The following ACVR1C variants were observed in gnomAD, a reference collection of about 807,000 sequenced individuals.
ACVR1C encodes the protein activin A receptor type 1C.
In ACVR1C, 23 loss-of-function variants were observed where a neutral mutation model predicts 57.9. That is an observed-to-expected ratio of 0.40 (90% CI 0.29 to 0.56). The LOEUF is 0.56. Ranked by LOEUF, ACVR1C falls within the 20% of genes least tolerant of loss-of-function variation. ACVR1C has a pLI of 0.50. For synonymous variants in ACVR1C, 214 were observed against 215.3 expected (o/e 0.99, Z 0.05); for missense variants, 480 against 607.9 (o/e 0.79, Z 2.21).
At chr2:157,628,352 G>C (rs1282316820) in intron 1 of ACVR1C, among the ~76,000 whole-genome samples, 1 of 151,988 alleles carries the variant, frequency 6.6e-6, no homozygotes, top group East Asian at 1.9e-4. Context: ...TCTTCCGGGC[G>C]GCTTCGTCCC....
rs1187846687 is a variant in ACVR1C, at chr2:157,550,255, C to G, written c.682G>C (p.Asp228His). The change falls in exon 4 of 9, where the codon GAT (aspartate) becomes CAT (histidine). Residue 228 changes from aspartate (D) to histidine (H), a missense_variant. Coordinates refer to ENST00000243349, the MANE Select transcript of ACVR1C (RefSeq NM_145259.3). ...DVAVKIFSSRDERSWFREAEI... is the reference protein window; with the variant it reads ...DVAVKIFSSRHERSWFREAEI... The stretch of plus-strand genomic sequence containing the variant: ...GCCTCACGAAACCAAGATCTTTCAT[C>G]TCTGGAGGAGAATATTTTCACAGCC... 1.2e-6 allele frequency: 2 copies of G among 1,614,028 alleles called. No individual in the cohort carries two copies. The highest frequency in any genetic ancestry group is 2.7e-5 in the African/African-American group (2 of 74,904).
intron 2 of ACVR1C, among the ~76,000 whole-genome samples, chr2:157,564,405 G>C (rs1039629161): frequency 6.6e-6 from 1 of 152,194 alleles, no homozygotes; most frequent in African/African-American, 2.4e-5. Flanking sequence ...AAACCACAAT[G>C]AGATACCATC....
At chr2:157,605,284 T>C (rs1270565942) in intron 1 of ACVR1C, among the ~76,000 whole-genome samples, 1 of 151,766 alleles carries the variant, frequency 6.6e-6, no homozygotes, top group Non-Finnish European at 1.5e-5. Context: ...GTCTTAATTA[T>C]TGTAGATTTA....
intron 2 of ACVR1C, among the ~76,000 whole-genome samples, chr2:157,560,203 C>T (rs1688202589): frequency 6.6e-6 from 1 of 152,068 alleles, no homozygotes; most frequent in Non-Finnish European, 1.5e-5. Flanking sequence ...TTAAGGAGAG[C>T]CTCAAGATGA....
intron 1 of ACVR1C, among the ~76,000 whole-genome samples, chr2:157,594,546 G>A (rs1408414245): frequency 1.3e-5 from 2 of 152,064 alleles, no homozygotes; most frequent in African/African-American, 2.4e-5. Context: ...ATTAAAAATT[G>A]TTTATCCTGT....
At chr2:157,555,101 C>CTTGTTTTTTT (rs1688065222) in intron 3 of ACVR1C, among the ~76,000 whole-genome samples, 1 of 83,926 alleles carries the variant, frequency 1.2e-5, no homozygotes, top group African/African-American at 5.9e-5. Flanking sequence ...ACTTTGAACG[C>CTTGTTTTTTT]TTTTTTTTTT....
Position 157,532,864 on chromosome 2 carries a change from A to T in ACVR1C, c.*1054T>A, listed in dbSNP as rs1376737877. On this transcript the variant is annotated 3_prime_UTR_variant, in exon 9 of 9. Coordinates refer to ENST00000243349, the MANE Select transcript of ACVR1C (RefSeq NM_145259.3). ...TTCTGTCTTTTCTTTCTAAGTGTGTATGTACAAAGGAAATAGGGACCTCTG... is the reference window on the plus strand; with the variant it reads ...TTCTGTCTTTTCTTTCTAAGTGTGTTTGTACAAAGGAAATAGGGACCTCTG... The T allele has an allele frequency of 6.6e-6, 1 of 152,090 alleles. No homozygotes were observed. The highest frequency in any genetic ancestry group is 1.5e-5 in the Non-Finnish European group (1 of 68,004). 9.4% of individuals were successfully genotyped at this position (152,090 alleles called of 1,614,324 possible).
chr2:157,593,048 T>C (rs1352338566), intron 1 of ACVR1C, among the ~76,000 whole-genome samples: 1 of 152,102 alleles, frequency 6.6e-6, no homozygotes, highest in Non-Finnish European at 1.5e-5. Flanking sequence ...AATTATCCCC[T>C]TTTATCCACT....
chr2:157,557,687 T>C (rs954675190), intron 2 of ACVR1C, among the ~76,000 whole-genome samples: 1 of 152,156 alleles, frequency 6.6e-6, no homozygotes, highest in Non-Finnish European at 1.5e-5. Context: ...CTAGTGGTAT[T>C]CCTATAAGAG....
chr2:157,546,959 C>G (rs1237873583), intron 4 of ACVR1C, among the ~76,000 whole-genome samples: 2 of 146,974 alleles, frequency 1.4e-5, no homozygotes, highest in South Asian at 4.5e-4. Flanking sequence ...CGATGCTATC[C>G]CTCTCCCCTC....
chr2:157,597,585 T>G (rs1682164662), intron 1 of ACVR1C: 1 of 985,246 alleles, frequency 1.0e-6, no homozygotes, highest in South Asian at 4.7e-5. Context: ...CTCCGACGGC[T>G]TCCCGGCGCA....
rs1255006973 is a variant in ACVR1C at position 157,528,294 on chromosome 2, G to A, written c.*5624C>T. ...TAAGGGTAATCTCCTAAGGCACTCA[G>A]ATTCTTAGTGGCCCTATTAAAATTC... On this transcript the variant is annotated 3_prime_UTR_variant, in exon 9 of 9. Transcript: ENST00000243349. 6.6e-5 allele frequency: 10 copies of A among 152,130 alleles called. No homozygotes were observed. Among genetic ancestry groups the A allele is most frequent in the African/African-American group, 2.4e-4 (10 of 41,434 alleles). The allele number at this position is 152,130 out of a possible 1,614,324, so 9.4% of individuals were successfully genotyped here.
chr2:157,617,057 A>C (rs1196268975), intron 1 of ACVR1C, among the ~76,000 whole-genome samples: 2 of 152,072 alleles, frequency 1.3e-5, no homozygotes, highest in Non-Finnish European at 2.9e-5. Context: ...TGCTGTGTAC[A>C]AAGGATGCAC....
At chr2:157,557,353 A>G (rs1688129473) in intron 2 of ACVR1C, among the ~76,000 whole-genome samples, 2 of 152,226 alleles carry the variant, frequency 1.3e-5, no homozygotes, top group South Asian at 4.1e-4. Context: ...TGAATAGGCC[A>G]ATTAGAAACC....
intron 2 of ACVR1C, among the ~76,000 whole-genome samples, chr2:157,574,930 G>T (rs1444660961): frequency 1.3e-5 from 2 of 152,056 alleles, no homozygotes; most frequent in African/African-American, 2.4e-5. Context: ...GATGATGGAG[G>T]TATACTCATG....
chr2:157,605,254 C>A (rs1029989686), intron 1 of ACVR1C, among the ~76,000 whole-genome samples: 4 of 151,648 alleles, frequency 2.6e-5, no homozygotes, highest in Non-Finnish European at 4.4e-5. Flanking sequence ...ATGTGCCTCT[C>A]CTTTTGTCAA....
intron 2 of ACVR1C, 145 bp downstream of exon 2, chr2:157,587,042 G>A: frequency 1.4e-6 from 1 of 732,882 alleles, no homozygotes. Flanking sequence ...CTAGACTCTA[G>A]AGAATTTTAC....
At chr2:157,547,256 T>C (rs1687783502) in intron 4 of ACVR1C, among the ~76,000 whole-genome samples, 1 of 121,524 alleles carries the variant, frequency 8.2e-6, no homozygotes, top group African/African-American at 2.9e-5. Flanking sequence ...TTTGCTATTG[T>C]GAATAATGCC....
At chr2:157,584,347 G>A (rs973928401) in intron 2 of ACVR1C, among the ~76,000 whole-genome samples, 7 of 151,924 alleles carry the variant, frequency 4.6e-5, no homozygotes, top group East Asian at 3.9e-4. Flanking sequence ...CTTGTGATCC[G>A]CCCATCTTGG....
Sources: allele counts gnomAD v4.1 joint callset (sites outside exome capture counted in the v4.1 genomes callset), GRCh38; gene constraint gnomAD v4.1.1; transcripts MANE v1.5; gene names NCBI Gene and HGNC (gene_info 2026-07-23, HGNC 2026-07-21).